CYB5RL: variants seen among roughly 807,000 people sequenced by gnomAD.
The protein encoded by CYB5RL is cytochrome b5 reductase like, also known as NADH-cytochrome b5 reductase-like.
CYB5RL carries 38 observed loss-of-function variants against 37.5 expected under a neutral mutation model. That is an observed-to-expected ratio of 1.01 (90% confidence interval 0.78 to 1.33). The LOEUF (loss-of-function observed/expected upper bound fraction) is 1.33. Among genes scored for constraint, CYB5RL ranks in the 40% most tolerant of loss-of-function variants. The probability of loss-of-function intolerance (pLI) is 0.00; values close to 1 mark genes in which losing one functional copy is unlikely to be tolerated. For missense variants in CYB5RL, 388 were observed against 394.4 expected, an observed-to-expected ratio of 0.98 and a Z score of 0.14; for synonymous variants, 141 against 151.9, an observed-to-expected ratio of 0.93 and a Z score of 0.53.
chr1:54,171,060 C>T lies in CYB5RL; in HGVS notation c.*3559G>A, dbSNP rs1340843395. 9.0e-6 allele frequency: 4 copies of T among 446,074 alleles called. No homozygotes were observed. Among genetic ancestry groups the T allele is most frequent in the Admixed American group, 2.4e-5 (1 of 42,278 alleles). 27.6% of individuals were successfully genotyped at this position (446,074 alleles called of 1,614,324 possible). On this transcript the variant is annotated 3_prime_UTR_variant, in exon 8 of 8. Coordinates refer to ENST00000534324, the MANE Select transcript of CYB5RL (RefSeq NM_001031672.4). ...CACATGCAGATGACACTTATGGGTACAGCGACAGAAAAGCACACAAGCCTC... is the reference window on the plus strand; with the variant it reads ...CACATGCAGATGACACTTATGGGTATAGCGACAGAAAAGCACACAAGCCTC...
rs749160388 is a variant in CYB5RL, at chr1:54,184,141, T to C, written c.540+20A>G. ...ACAGTCAACAGGGATCTCCTGAAGA[T>C]TTAAGGTGCTGGCACTGACCTGGTT... On this transcript the variant is annotated intron_variant, in intron 6 of 7. Transcript: ENST00000534324. 36 of 1,604,834 alleles carry C rather than the reference T, an allele frequency of 2.2e-5. 1 individual carries two copies. Among genetic ancestry groups the C allele is most frequent in the South Asian group, 1.7e-4 (15 of 89,244 alleles).
chr1:54,198,335 C>CTT (rs577709879), intron 1 of CYB5RL, among the ~76,000 whole-genome samples: 30 of 143,208 alleles, frequency 2.1e-4, no homozygotes, highest in African/African-American at 4.8e-4. Context: ...TTCTTTCTTT[C>CTT]TTTTTTTTTT....
intron 1 of CYB5RL, among the ~76,000 whole-genome samples, chr1:54,197,312 C>CTTTTT (rs199620217): frequency 4.4e-4 from 57 of 130,334 alleles, no homozygotes; most frequent in South Asian, 1.1e-3. Context: ...TTTTTCTTTT[C>CTTTTT]TTTTCTTTTT....
At chr1:54,179,121 A>G (rs367950713) in intron 7 of CYB5RL, 28 bp downstream of exon 7, 685 of 1,601,276 alleles carry the variant, frequency 4.3e-4, no homozygotes, top group Non-Finnish European at 5.3e-4. Context: ...GTCTCAATCA[A>G]AAAAGAAAGT....
At chr1:54,179,471 T>A in intron 6 of CYB5RL, 119 bp from the exon 7 acceptor site, 1 of 978,330 alleles carries the variant, frequency 1.0e-6, no homozygotes, top group African/African-American at 1.6e-5. Context: ...TTCCTTGGTG[T>A]CCAACCACCT....
chr1:54,179,782 C>T (rs534536405), intron 6 of CYB5RL, among the ~76,000 whole-genome samples: 1 of 152,308 alleles, frequency 6.6e-6, no homozygotes, highest in Admixed American at 6.5e-5. Context: ...CTTGCCCACT[C>T]CCAATGCCAT....
chr1:54,184,387 A>G, intron 5 of CYB5RL, 122 bp from the exon 6 acceptor site: 1 of 790,736 alleles, frequency 1.3e-6, no homozygotes, highest in Non-Finnish European at 2.0e-6. Flanking sequence ...ATCTCATTTA[A>G]TCGTCCTCCT....
intron 1 of CYB5RL, among the ~76,000 whole-genome samples, chr1:54,198,767 A>G (rs1163442173): frequency 1.3e-5 from 2 of 150,876 alleles, no homozygotes; most frequent in East Asian, 3.9e-4. Context: ...GAGTACCTAG[A>G]TCTATAGGTG....
rs116492897 is a variant in CYB5RL, at chr1:54,188,204, C to A, written c.348-465G>T. Among the ~76,000 whole-genome samples the A allele has an allele frequency of 7.6e-3, 1,157 of 152,336 alleles. 17 individuals carry two copies. Among genetic ancestry groups the A allele is most frequent in the African/African-American group, 0.026 (1,079 of 41,568 alleles). ...AGAGTACTGGGCTCATCCACTGCCA[C>A]GTGCTGGCTGTGAGATCCCAGTAGA... On this transcript the variant is annotated intron_variant, in intron 4 of 7. Coordinates refer to ENST00000534324, the MANE Select transcript of CYB5RL (RefSeq NM_001031672.4).
intron 6 of CYB5RL, among the ~76,000 whole-genome samples, chr1:54,181,245 G>A (rs1035124332): frequency 6.6e-6 from 1 of 152,104 alleles, no homozygotes; most frequent in Non-Finnish European, 1.5e-5. Context: ...TCCTTTCTTT[G>A]TGTTTCCACA....
At chr1:54,195,834 G>A (rs1644003289) in intron 2 of CYB5RL, 119 bp from the exon 3 acceptor site, 1 of 460,546 alleles carries the variant, frequency 2.2e-6, no homozygotes, top group East Asian at 3.2e-5. Flanking sequence ...CAGCCAAGGA[G>A]TGTGCTGTCT....
At chr1:54,198,735 G>A (rs1323315988) in intron 1 of CYB5RL, among the ~76,000 whole-genome samples, 7 of 149,318 alleles carry the variant, frequency 4.7e-5, no homozygotes, top group African/African-American at 1.7e-4. Flanking sequence ...AGGCCCAAGT[G>A]ATCCTCCCAT....
rs962273553 is a variant in CYB5RL, at chr1:54,173,423, T to C, written c.*1196A>G. The C allele has an allele frequency of 5.9e-5, 9 of 152,212 alleles. No individual in the cohort carries two copies. Among genetic ancestry groups the C allele is most frequent in the African/African-American group, 2.2e-4 (9 of 41,450 alleles). The allele number at this position is 152,212 out of a possible 1,614,324, so 9.4% of individuals were successfully genotyped here. A position where few individuals can be genotyped will look rare whatever the true frequency, so the allele number is the denominator to read the frequency against. On this transcript the variant is annotated 3_prime_UTR_variant, in exon 8 of 8. Transcript: ENST00000534324. The stretch of plus-strand genomic sequence containing the variant: ...CAGTTCGAAAATCACTGATGCAGAA[T>C]TGGCACATGAGGTTGAAGCTAGGAG...
rs113700778 is a variant in CYB5RL at position 54,194,919 on chromosome 1, C to A, written c.198+500G>T. 1.9e-3 allele frequency among the ~76,000 whole-genome samples: 282 copies of A among 152,290 alleles called. 3 individuals are homozygous for A. Among genetic ancestry groups the A allele is most frequent in the African/African-American group, 6.5e-3 (271 of 41,558 alleles). ...CCCTTCCAAACATTACAATAAAGGGCTAAACTGCTTAGTCCAGACTATGAA... is the reference window on the plus strand; with the variant it reads ...CCCTTCCAAACATTACAATAAAGGGATAAACTGCTTAGTCCAGACTATGAA... On this transcript the variant is annotated intron_variant, in intron 3 of 7. Coordinates refer to ENST00000534324, the MANE Select transcript of CYB5RL (RefSeq NM_001031672.4).
chr1:54,191,160 C>A (rs1257017076), intron 3 of CYB5RL, among the ~76,000 whole-genome samples: 1 of 152,174 alleles, frequency 6.6e-6, no homozygotes, highest in Non-Finnish European at 1.5e-5. Context: ...CTTAGCTGCC[C>A]ACTCAAAGGC....
intron 4 of CYB5RL, 91 bp from the exon 5 acceptor site, chr1:54,187,830 C>T (rs1260990737): frequency 9.0e-7 from 1 of 1,110,360 alleles, no homozygotes; most frequent in Admixed American, 1.8e-5. Flanking sequence ...AATCCCCACA[C>T]TTTGGGAGGC....
intron 4 of CYB5RL, 77 bp from the exon 5 acceptor site, chr1:54,187,816 C>T (rs1643916366): frequency 1.6e-6 from 2 of 1,284,756 alleles, no homozygotes; most frequent in Non-Finnish European, 2.3e-6. Context: ...TGGCTCATGT[C>T]TGTAATCCCC....
chr1:54,198,522 C>T lies in CYB5RL; in HGVS notation c.-223+1454G>A, dbSNP rs912741924. ...TAATTTTTTGTATTTTTAGTAGAGA[C>T]GGGGTTTCACTGTGTTAGCCAGGAT... On this transcript the variant is annotated intron_variant, in intron 1 of 7. Transcript: ENST00000534324. Among the ~76,000 whole-genome samples the T allele has an allele frequency of 1.3e-4, 19 of 151,468 alleles. No individual in the cohort carries two copies. The East Asian group carries it at 2.1e-3, about 17-fold the overall frequency.
chr1:54,178,283 C>T lies in CYB5RL; in HGVS notation c.744+866G>A, dbSNP rs536405527. 1.0e-3 allele frequency among the ~76,000 whole-genome samples: 156 copies of T among 152,208 alleles called. 1 individual carries two copies. Among genetic ancestry groups the T allele is most frequent in the Non-Finnish European group, 1.7e-3 (114 of 68,010 alleles). On this transcript the variant is annotated intron_variant, in intron 7 of 7. Coordinates refer to ENST00000534324, the MANE Select transcript of CYB5RL (RefSeq NM_001031672.4). ...GGGACTACATAAAGCTGCCTCATAG[C>T]GGGACCAGATGAGAATGGTACCCCA...
Sources: allele counts gnomAD v4.1 joint callset (sites outside exome capture counted in the v4.1 genomes callset), GRCh38; gene constraint gnomAD v4.1.1; transcripts MANE v1.5; gene names NCBI Gene and HGNC (gene_info 2026-07-23, HGNC 2026-07-21).